Variants in TMTC1 observed in about 807,000 individuals in gnomAD.
TMTC1 encodes transmembrane O-mannosyltransferase targeting cadherins 1.
In TMTC1, 73 loss-of-function variants were observed where a neutral mutation model predicts 104.8. The ratio of observed to expected loss-of-function variants is 0.70; its 90% confidence interval spans 0.58 to 0.85. The LOEUF is 0.85. Among genes scored for constraint, TMTC1 ranks in the 40% least tolerant of loss-of-function variants. The probability of loss-of-function intolerance (pLI) is 0.00; values close to 1 mark genes in which losing one functional copy is unlikely to be tolerated. For missense variants in TMTC1, 1,035 were observed against 1,096.1 expected (o/e 0.94, Z 0.79); for synonymous variants, 434 against 428.7 (o/e 1.01, Z -0.15).
chr12:29,645,223 C>T (rs11050338), intron 5 of TMTC1, among the ~76,000 whole-genome samples: 34,907 of 152,064 alleles, frequency 0.23, 4,068 homozygotes, highest in Middle Eastern at 0.28. Flanking sequence ...TTTTCTACAA[C>T]CCAATAAAAG....
At chr12:29,673,744 C>CTTTTTTTTTTT (rs146463669) in intron 5 of TMTC1, among the ~76,000 whole-genome samples, 4 of 95,734 alleles carry the variant, frequency 4.2e-5, no homozygotes, top group African/African-American at 8.0e-5. Context: ...AGAGGGACTT[C>CTTTTTTTTTTT]TTTTTTTTTT....
rs1246324474 is a variant in TMTC1, at chr12:29,633,341, A to G, written c.939-5T>C. On this transcript the variant is annotated splice_polypyrimidine_tract_variant and splice_region_variant and intron_variant, in intron 5 of 17. Coordinates refer to ENST00000539277, the MANE Select transcript of TMTC1 (RefSeq NM_001193451.2). ...AGGTAGGAATAGGTGAGGAATCTAT[A>G]AAGAGAAGAAGAATCACTGAAACAC... 6.3e-7 allele frequency: 1 copy of G among 1,596,490 alleles called. No individual in the cohort carries two copies. Among genetic ancestry groups the G allele is most frequent in the African/African-American group, 1.3e-5 (1 of 74,672 alleles).
intron 5 of TMTC1, among the ~76,000 whole-genome samples, chr12:29,718,873 C>G (rs1302640247): frequency 1.4e-5 from 2 of 142,730 alleles, no homozygotes; most frequent in Non-Finnish European, 3.0e-5. Flanking sequence ...GCGGAGCTTG[C>G]AGTGAGCTGA....
rs1379036819 is a variant in TMTC1 at position 29,592,767 on chromosome 12, G to A, written c.1251-9193C>T. The stretch of plus-strand genomic sequence containing the variant: ...TGAGGGGGAATAACAATTGTTTGTA[G>A]TGCACCATGCCTGATACACACAAAA... On this transcript the variant is annotated intron_variant, in intron 7 of 17. Transcript: ENST00000539277. 3.3e-5 allele frequency among the ~76,000 whole-genome samples: 5 copies of A among 152,172 alleles called. 1 individual carries two copies. The East Asian group carries it at 9.6e-4, about 29-fold the overall frequency.
At chr12:29,593,396 A>G (rs1946331605) in intron 7 of TMTC1, among the ~76,000 whole-genome samples, 1 of 152,208 alleles carries the variant, frequency 6.6e-6, no homozygotes, top group Admixed American at 6.5e-5. Context: ...ATGTGATTAG[A>G]TCTGTAAATA....
chr12:29,775,988 G>C (rs1370163372), intron 1 of TMTC1, among the ~76,000 whole-genome samples: 2 of 152,020 alleles, frequency 1.3e-5, no homozygotes, highest in Non-Finnish European at 2.9e-5. Flanking sequence ...CAAGAATCCA[G>C]CACGAAGACC....
In TMTC1 at chr12:29,659,031, T is replaced by G. The variant is rs75477547; in HGVS notation, c.939-25695A>C. Among the ~76,000 whole-genome samples, 196 of 152,336 alleles carry G rather than the reference T, an allele frequency of 1.3e-3. 2 individuals are homozygous for G. The East Asian group carries it at 0.018, about 14-fold the overall frequency. On this transcript the variant is annotated intron_variant, in intron 5 of 17. Transcript: ENST00000539277. ...CTTCTTGACCCAAATCCCTCAGAACTCTTAAGGACAAATGGCATAATTAAC... is the reference window on the plus strand; with the variant it reads ...CTTCTTGACCCAAATCCCTCAGAACGCTTAAGGACAAATGGCATAATTAAC...
chr12:29,514,677 T>C lies in TMTC1; in HGVS notation c.2308-73A>G, dbSNP rs78985592. 5.0e-5 allele frequency: 75 copies of C among 1,511,308 alleles called. No homozygotes were observed. In the African/African-American group the frequency reaches 7.4e-4, roughly 15 times the overall value. 93.6% of individuals were successfully genotyped at this position (1,511,308 alleles called of 1,614,324 possible). A position where few individuals can be genotyped will look rare whatever the true frequency, so the allele number is the denominator to read the frequency against. Reference sequence around the variant, plus strand: ...AAAAACTTATTTAACTGATCAAATTTATACTTTTTGTTCCTATGTGTCAGC... The same window carrying C: ...AAAAACTTATTTAACTGATCAAATTCATACTTTTTGTTCCTATGTGTCAGC... On this transcript the variant is annotated intron_variant, in intron 15 of 17. Transcript: ENST00000539277.
chr12:29,653,054 T>G (rs1939597080), intron 5 of TMTC1, among the ~76,000 whole-genome samples: 1 of 151,680 alleles, frequency 6.6e-6, no homozygotes, highest in African/African-American at 2.4e-5. Flanking sequence ...AGAGTGAAAC[T>G]GTGAACTGTG....
chr12:29,553,971 C>G (rs299477), intron 10 of TMTC1, among the ~76,000 whole-genome samples: 12,165 of 152,220 alleles, frequency 0.08, 557 homozygotes, highest in Middle Eastern at 0.19. Flanking sequence ...TGTAGCCAAG[C>G]CTTTATATTT....
chr12:29,604,867 G>C (rs1190707082), intron 6 of TMTC1, among the ~76,000 whole-genome samples: 1 of 152,072 alleles, frequency 6.6e-6, no homozygotes, highest in Non-Finnish European at 1.5e-5. Context: ...AATTAGGCTG[G>C]CAAGCGAGTA....
At chr12:29,536,027 G>T (rs1433535837) in intron 11 of TMTC1, 182 bp downstream of exon 11, 4 of 581,562 alleles carry the variant, frequency 6.9e-6, no homozygotes, top group African/African-American at 5.7e-5. Flanking sequence ...AGCGACCTGT[G>T]ATACACAGAG....
At position 29,521,062 on chromosome 12, in the gene TMTC1, C is replaced by T. The variant is rs981704949; in HGVS notation, c.1786-342G>A. 3.8e-5 allele frequency: 7 copies of T among 185,790 alleles called. No individual in the cohort carries two copies. The East Asian group carries it at 4.7e-4, about 12-fold the overall frequency. 11.5% of individuals were successfully genotyped at this position (185,790 alleles called of 1,614,324 possible). The stretch of plus-strand genomic sequence containing the variant: ...TGTTCGAATAGGATGCCCTTCACCC[C>T]GGTGACTCTCCATACGAAAACGGGG... On this transcript the variant is annotated intron_variant, in intron 11 of 17. Transcript: ENST00000539277.
At position 29,668,292 on chromosome 12, in the gene TMTC1, G is replaced by A. The variant is rs543126924; in HGVS notation, c.939-34956C>T. 2.0e-5 allele frequency among the ~76,000 whole-genome samples: 3 copies of A among 152,220 alleles called. 1 individual carries two copies. The highest frequency in any genetic ancestry group is 2.1e-4 in the South Asian group (1 of 4,814). ...CTTGCTGCATCCTCGCATGGCAGAA[G>A]AGCAGAAAAGCAAGAGACATAAACT... is the stretch of plus-strand genomic sequence containing the variant. On this transcript the variant is annotated intron_variant, in intron 5 of 17. Transcript: ENST00000539277.
At chr12:29,540,841 A>C (rs1944777146) in intron 10 of TMTC1, among the ~76,000 whole-genome samples, 1 of 152,092 alleles carries the variant, frequency 6.6e-6, no homozygotes, top group Non-Finnish European at 1.5e-5. Flanking sequence ...CTAAAAATAC[A>C]AAAATTAGCC....
At chr12:29,539,460 A>G (rs1407825460) in intron 10 of TMTC1, among the ~76,000 whole-genome samples, 1 of 152,156 alleles carries the variant, frequency 6.6e-6, no homozygotes, top group East Asian at 1.9e-4. Flanking sequence ...AACTTTTTCT[A>G]GACCTCTGCT....
At chr12:29,691,388 C>A (rs571485006) in intron 5 of TMTC1, among the ~76,000 whole-genome samples, 1 of 152,280 alleles carries the variant, frequency 6.6e-6, no homozygotes, top group East Asian at 1.9e-4. Context: ...AAGCCCCTAC[C>A]CGCCAGATTA....
At chr12:29,604,402 A>G in intron 6 of TMTC1, 103 bp from the exon 7 acceptor site, 3 of 1,495,178 alleles carry the variant, frequency 2.0e-6, no homozygotes, top group Non-Finnish European at 2.8e-6. Context: ...GAAGAAATGA[A>G]TAAATTAGAC....
chr12:29,748,237 C>T (rs1368460462), intron 5 of TMTC1, among the ~76,000 whole-genome samples: 2 of 152,146 alleles, frequency 1.3e-5, no homozygotes, highest in African/African-American at 4.8e-5. Flanking sequence ...TAGCCTGCTA[C>T]CTGAGGTTAA....
Sources: allele counts gnomAD v4.1 joint callset (sites outside exome capture counted in the v4.1 genomes callset), GRCh38; gene constraint gnomAD v4.1.1; transcripts MANE v1.5; gene names NCBI Gene and HGNC (gene_info 2026-07-23, HGNC 2026-07-21).